Variants in ADAM12 observed in about 807,000 individuals in gnomAD.
The protein encoded by ADAM12 is disintegrin and metalloproteinase domain-containing protein 12.
ADAM12 carries 70 observed loss-of-function variants against 106.4 expected under a neutral mutation model. The ratio of observed to expected loss-of-function variants is 0.66; its 90% CI spans 0.54 to 0.80. ADAM12 has a LOEUF of 0.80. Among genes scored for constraint, ADAM12 ranks in the 30% least tolerant of loss-of-function variants. ADAM12 has a pLI of 0.00. For missense variants in ADAM12, 1,010 were observed against 1,171.9 expected, an observed-to-expected ratio of 0.86 and a Z score of 2.02; for synonymous variants, 420 against 433.5, an observed-to-expected ratio of 0.97 and a Z score of 0.39.
intron 3 of ADAM12, among the ~76,000 whole-genome samples, chr10:126,205,826 T>A (rs1957784706): frequency 6.6e-6 from 1 of 152,260 alleles, no homozygotes; most frequent in Admixed American, 6.5e-5. Context: ...TCCTGGAGAT[T>A]TTTCTTTTTA....
intron 3 of ADAM12, among the ~76,000 whole-genome samples, chr10:126,202,056 G>A (rs926963462): frequency 2.6e-5 from 4 of 152,072 alleles, no homozygotes; most frequent in Non-Finnish European, 5.9e-5. Context: ...CCAGTGCCAG[G>A]CCTCCTTGTC....
At chr10:126,283,086 G>C (rs1959666345) in intron 2 of ADAM12, among the ~76,000 whole-genome samples, 1 of 151,764 alleles carries the variant, frequency 6.6e-6, no homozygotes, top group Admixed American at 6.6e-5. Context: ...TTCTCATAAG[G>C]AGCCCACAAC....
chr10:126,328,655 G>A (rs138573801), intron 2 of ADAM12, among the ~76,000 whole-genome samples: 1 of 152,166 alleles, frequency 6.6e-6, no homozygotes, highest in Non-Finnish European at 1.5e-5. Flanking sequence ...GTTGAGATGA[G>A]CCCACTGGCA....
chr10:126,241,102 G>A (rs1180516460), intron 3 of ADAM12, among the ~76,000 whole-genome samples: 1 of 152,198 alleles, frequency 6.6e-6, no homozygotes, highest in Non-Finnish European at 1.5e-5. Flanking sequence ...CTCATGCTAA[G>A]TGAAAGGAGC....
At chr10:126,148,238 A>T (rs552447893) in intron 4 of ADAM12, among the ~76,000 whole-genome samples, 1 of 152,238 alleles carries the variant, frequency 6.6e-6, no homozygotes, top group South Asian at 2.1e-4. Flanking sequence ...AGCACTATAC[A>T]CTATAGCCAA....
chr10:126,174,215 A>T (rs1484622389), intron 3 of ADAM12, among the ~76,000 whole-genome samples: 1 of 151,524 alleles, frequency 6.6e-6, no homozygotes, highest in African/African-American at 2.4e-5. Context: ...CCACCTCCCA[A>T]TCTTTACAAA....
chr10:126,037,646 T>G (rs1410632684), intron 20 of ADAM12, among the ~76,000 whole-genome samples: 2 of 152,276 alleles, frequency 1.3e-5, no homozygotes, highest in African/African-American at 4.8e-5. Flanking sequence ...TAGAATGAAC[T>G]CTAGCTGTAA....
intron 3 of ADAM12, among the ~76,000 whole-genome samples, chr10:126,203,925 A>C (rs1565136193): frequency 2.5e-5 from 3 of 122,128 alleles, no homozygotes; most frequent in African/African-American, 8.2e-5. Context: ...AATCAGAGTG[A>C]GTGCGCGCGC....
intron 11 of ADAM12, among the ~76,000 whole-genome samples, chr10:126,077,930 C>G (rs1487739270): frequency 6.6e-6 from 1 of 152,112 alleles, no homozygotes; most frequent in Non-Finnish European, 1.5e-5. Flanking sequence ...GGAAAACTTA[C>G]AGCAAACCCA....
intron 2 of ADAM12, among the ~76,000 whole-genome samples, chr10:126,292,753 GT>G (rs534404552): frequency 9.2e-5 from 14 of 152,152 alleles, no homozygotes; most frequent in Non-Finnish European, 1.9e-4. Flanking sequence ...ATGTGGCTGT[GT>G]TCCAGTCAAA....
At chr10:126,320,000 A>AC (rs1360058141) in intron 2 of ADAM12, among the ~76,000 whole-genome samples, 2 of 152,192 alleles carry the variant, frequency 1.3e-5, no homozygotes, top group African/African-American at 4.8e-5. Flanking sequence ...TGTGGTGCCC[A>AC]CCATGCATTC....
At chr10:126,271,364 C>A in intron 3 of ADAM12, among the ~76,000 whole-genome samples, 1 of 152,190 alleles carries the variant, frequency 6.6e-6, no homozygotes, top group East Asian at 1.9e-4. Context: ...TCCTTCCCAC[C>A]AATACTCTCT....
chr10:126,039,000 C>CCTGG (rs1474164399), intron 19 of ADAM12, among the ~76,000 whole-genome samples: 1 of 141,082 alleles, frequency 7.1e-6, no homozygotes, highest in Non-Finnish European at 1.5e-5. Context: ...TGCTCTCTCG[C>CCTGG]CCAGGCTGGA....
rs1373584837 is a variant in ADAM12 at position 126,012,938 on chromosome 10, A to C, written c.*4341T>G. 6.6e-6 allele frequency: 1 copy of C among 152,196 alleles called. No individual in the cohort carries two copies. The highest frequency in any genetic ancestry group is 2.4e-5 in the African/African-American group (1 of 41,446). The allele number at this position is 152,196 out of a possible 1,614,324, so 9.4% of individuals were successfully genotyped here. A position where few individuals can be genotyped will look rare whatever the true frequency, so the allele number is the denominator to read the frequency against. On this transcript the variant is annotated 3_prime_UTR_variant, in exon 23 of 23. Coordinates refer to ENST00000448723, the MANE Select transcript of ADAM12 (RefSeq NM_001288973.2). ...TTTAAAATGTGCTAAATGGAGGACTAAAGAGTTACCTTATAGGAGAATCAT... is the reference window on the plus strand; with the variant it reads ...TTTAAAATGTGCTAAATGGAGGACTCAAGAGTTACCTTATAGGAGAATCAT...
At chr10:126,219,057 CAG>C (rs1958041150) in intron 3 of ADAM12, among the ~76,000 whole-genome samples, 1 of 152,236 alleles carries the variant, frequency 6.6e-6, no homozygotes, top group Non-Finnish European at 1.5e-5. Context: ...CAGTAACTAA[CAG>C]GGCCAGAATG....
At chr10:126,309,755 ATAGT>A (rs1458277533) in intron 2 of ADAM12, among the ~76,000 whole-genome samples, 1 of 152,182 alleles carries the variant, frequency 6.6e-6, no homozygotes, top group African/African-American at 2.4e-5. Flanking sequence ...GTTAGAGAGA[ATAGT>A]TAAATAATCA....
rs777769075 is a variant in ADAM12 at position 126,370,499 on chromosome 10, T to C, written c.88+17559A>G. Among the ~76,000 whole-genome samples the C allele has an allele frequency of 4.5e-4, 68 of 152,298 alleles. 2 individuals carry two copies. The highest frequency in any genetic ancestry group is 1.2e-4 in the Non-Finnish European group (8 of 68,032). ...TTAGCTGGTAAGTCCACATGTTCCT[T>C]TGATGCGAAAATGAAAGGTCAGAGA... On this transcript the variant is annotated intron_variant, in intron 1 of 22. Coordinates refer to ENST00000448723, the MANE Select transcript of ADAM12 (RefSeq NM_001288973.2).
intron 2 of ADAM12, among the ~76,000 whole-genome samples, chr10:126,280,510 T>C (rs1009302268): frequency 1.3e-5 from 2 of 152,196 alleles, no homozygotes; most frequent in African/African-American, 4.8e-5. Flanking sequence ...AGCACAGATA[T>C]AGAGCATTTC....
chr10:126,175,875 A>G (rs1182906723), intron 3 of ADAM12, among the ~76,000 whole-genome samples: 2 of 152,230 alleles, frequency 1.3e-5, no homozygotes, highest in African/African-American at 4.8e-5. Context: ...AGCCTCATGC[A>G]AGAGAGCCCA....
Sources: allele counts gnomAD v4.1 joint callset (sites outside exome capture counted in the v4.1 genomes callset), GRCh38; gene constraint gnomAD v4.1.1; transcripts MANE v1.5; gene names NCBI Gene and HGNC (gene_info 2026-07-23, HGNC 2026-07-21).